The following BRD4 variants were observed in gnomAD, a reference collection of about 807,000 sequenced individuals.
BRD4 encodes the protein bromodomain containing 4.
Under a neutral mutation model 142.1 loss-of-function variants are expected in BRD4, and 16 were observed. That is an observed-to-expected ratio of 0.11 (90% CI 0.08 to 0.17). BRD4 has a LOEUF of 0.17. BRD4 is among the 10% of genes least tolerant of loss of function. The pLI is 1.00. For missense variants in BRD4, 1,424 were observed against 1,810.9 expected, an observed-to-expected ratio of 0.79 and a Z score of 3.88; for synonymous variants, 833 against 707.5, an observed-to-expected ratio of 1.18 and a Z score of -2.82.
At chr19:15,299,009 G>C (rs902232501) in intron 1 of BRD4, among the ~76,000 whole-genome samples, 1 of 152,184 alleles carries the variant, frequency 6.6e-6, no homozygotes, top group Non-Finnish European at 1.5e-5. Flanking sequence ...CCCTTCCCCA[G>C]TCATGGTGGC....
Position 15,239,585 on chromosome 19 carries a change from C to T in BRD4, c.3446-63G>A. ...ACCCCAGTGGGGCATGGTCCACCAG[C>T]CCCACAGCAAGCTTATGTCCAACAC... On this transcript the variant is annotated intron_variant, in intron 16 of 19. Coordinates refer to ENST00000679869, the MANE Select transcript of BRD4 (RefSeq NM_001379291.1). This position sits in a 1 kb window ranked among gnomAD's most constrained non-coding sequence, Gnocchi z 7.4. 3.8e-6 allele frequency: 6 copies of T among 1,564,736 alleles called. No homozygotes were observed. The highest frequency in any genetic ancestry group is 4.3e-6 in the Non-Finnish European group (5 of 1,161,412).
chr19:15,289,726 C>G (rs1172983187), intron 1 of BRD4, among the ~76,000 whole-genome samples: 4 of 150,842 alleles, frequency 2.7e-5, no homozygotes, highest in African/African-American at 4.9e-5. Flanking sequence ...CCTAATAGAT[C>G]TGATGAAACC....
intron 13 of BRD4, 50 bp from the exon 14 acceptor site, chr19:15,243,537 A>G: frequency 6.7e-7 from 1 of 1,493,616 alleles, no homozygotes. Context: ...CTGTGGCCCC[A>G]GCCTGGCCTT....
At chr19:15,330,320 T>A (rs904748541) in intron 1 of BRD4, among the ~76,000 whole-genome samples, 3 of 152,204 alleles carry the variant, frequency 2.0e-5, no homozygotes, top group Admixed American at 2.0e-4. Context: ...CTTTGCCTTC[T>A]CCATTTGATC....
At position 15,255,585 on chromosome 19, in the gene BRD4, CCTT is replaced by C; in HGVS notation, c.1756_1758del (p.Lys586del). The C allele has an allele frequency of 6.2e-7, 1 of 1,603,090 alleles. No homozygotes were observed. The highest frequency in any genetic ancestry group is 8.5e-7 in the Non-Finnish European group (1 of 1,171,550). On this transcript the variant is annotated inframe_deletion, in exon 10 of 20. Transcript: ENST00000679869. Reference sequence around the variant, plus strand: ...GGCTTGCTCTTCATGGGCGCTGGCTCCTTCTTGCTACGAAGGGACGATGCAGAC... The same window carrying C: ...GGCTTGCTCTTCATGGGCGCTGGCTCCTTGCTACGAAGGGACGATGCAGAC...
rs1473772530 is a variant in BRD4 at position 15,239,150 on chromosome 19, C to T, written c.3691G>A (p.Ala1231Thr). 2 of 1,612,082 alleles carry T rather than the reference C, an allele frequency of 1.2e-6. No homozygotes were observed. The highest frequency in any genetic ancestry group is 1.7e-6 in the Non-Finnish European group (2 of 1,179,870). ...SDSFEQFRRA[A>T]REKEEREKAL... Reference sequence around the variant, plus strand: ...TTCTCACGCTCCTCTTTCTCCCGAGCGGCGCGGCGGAACTGCTCGAAGCTG... The same window carrying T: ...TTCTCACGCTCCTCTTTCTCCCGAGTGGCGCGGCGGAACTGCTCGAAGCTG... The change falls in exon 18 of 20, where the codon GCT becomes ACT. Residue 1231 changes from alanine to threonine, a missense_variant. Coordinates refer to ENST00000679869, the MANE Select transcript of BRD4 (RefSeq NM_001379291.1). This position sits in a 1 kb window ranked among gnomAD's most constrained non-coding sequence, Gnocchi z 7.4.
intron 1 of BRD4, among the ~76,000 whole-genome samples, chr19:15,293,798 AC>A (rs2047802437): frequency 6.6e-6 from 1 of 152,006 alleles, no homozygotes; most frequent in Non-Finnish European, 1.5e-5. Flanking sequence ...AACTCTACCC[AC>A]TCAACAGTAA....
At chr19:15,279,305 G>A (rs1241944923) in intron 1 of BRD4, among the ~76,000 whole-genome samples, 2 of 152,152 alleles carry the variant, frequency 1.3e-5, no homozygotes, top group Non-Finnish European at 2.9e-5. Context: ...TTACAATCTA[G>A]TCAATAGTTC....
chr19:15,292,777 CAAAAAAAAAAAAAAAAAAAAAAAAAA>C (rs57341445), intron 1 of BRD4, among the ~76,000 whole-genome samples: 3 of 57,256 alleles, frequency 5.2e-5, no homozygotes, highest in African/African-American at 1.3e-4. Flanking sequence ...GACTCCGTCT[CAAAAAAAAAAAAAAAAAAAAAAAAAA>C]AAAAAAAAAA....
At chr19:15,292,159 C>T (rs962432123) in intron 1 of BRD4, among the ~76,000 whole-genome samples, 1 of 152,110 alleles carries the variant, frequency 6.6e-6, no homozygotes, top group African/African-American at 2.4e-5. Context: ...AAAAGGAGAC[C>T]CCCTAGTTAT....
intron 10 of BRD4, among the ~76,000 whole-genome samples, 153 bp downstream of exon 10, chr19:15,255,141 CACA>C (rs1249531078): frequency 1.3e-5 from 2 of 149,740 alleles, no homozygotes; most frequent in Non-Finnish European, 3.0e-5. Flanking sequence ...AGTGCAATGT[CACA>C]ACCTTTCGGA....
At chr19:15,279,870 G>A (rs528131139) in intron 1 of BRD4, among the ~76,000 whole-genome samples, 1 of 152,312 alleles carries the variant, frequency 6.6e-6, no homozygotes, top group South Asian at 2.1e-4. Flanking sequence ...CCTTCATTCT[G>A]TCTGGTCTGT....
chr19:15,301,865 GAAAAAAAAAAAAA>G (rs952860124), intron 1 of BRD4, among the ~76,000 whole-genome samples: 1 of 40,488 alleles, frequency 2.5e-5, no homozygotes, highest in Non-Finnish European at 5.2e-5. Context: ...CCGTCTCAAA[GAAAAAAAAAAAAA>G]AAAAAAAAAA....
At chr19:15,298,127 A>C (rs1294813735) in intron 1 of BRD4, among the ~76,000 whole-genome samples, 3 of 152,190 alleles carry the variant, frequency 2.0e-5, no homozygotes, top group African/African-American at 7.2e-5. Context: ...CTCATAGCCA[A>C]ATTTGGACTT....
At chr19:15,303,503 T>C (rs537258993) in intron 1 of BRD4, among the ~76,000 whole-genome samples, 1 of 152,296 alleles carries the variant, frequency 6.6e-6, no homozygotes, top group African/African-American at 2.4e-5. Flanking sequence ...AGGAGAAAAG[T>C]AGCCTTAAAC....
At chr19:15,328,498 A>C (rs1025864909) in intron 1 of BRD4, among the ~76,000 whole-genome samples, 1 of 152,194 alleles carries the variant, frequency 6.6e-6, no homozygotes, top group African/African-American at 2.4e-5. Flanking sequence ...GCTCGGACTA[A>C]TAAGTTTACT....
chr19:15,287,441 T>C (rs959047327), intron 1 of BRD4, among the ~76,000 whole-genome samples: 1 of 152,186 alleles, frequency 6.6e-6, no homozygotes, highest in Non-Finnish European at 1.5e-5. Flanking sequence ...GATGGGGTCT[T>C]GCTATGTTGC....
At chr19:15,331,744 C>T (rs2048161295) in intron 1 of BRD4, 1 of 151,600 alleles carries the variant, frequency 6.6e-6, no homozygotes, top group African/African-American at 2.4e-5. Flanking sequence ...CGCGCCGGCC[C>T]CGGCCCACGT....
At position 15,239,912 on chromosome 19, in the gene BRD4, G is replaced by C; in HGVS notation, c.3280C>G (p.Gln1094Glu). 1 of 1,614,062 alleles carries C rather than the reference G, an allele frequency of 6.2e-7. No homozygotes were observed. Among genetic ancestry groups the C allele is most frequent in the Non-Finnish European group, 8.5e-7 (1 of 1,180,006 alleles). Reference sequence around the variant, plus strand: ...TATGGCCCAGCCCTGCCAGTTACCTGTTTCTTAGGCTGGACGTTTTGCTGG... The same window carrying C: ...TATGGCCCAGCCCTGCCAGTTACCTCTTTCTTAGGCTGGACGTTTTGCTGG... ...PPQQNVQPKK[Q>E]ELRAASVVQP... The change falls in exon 15 of 20, where the codon CAG (glutamine) becomes GAG (glutamate). Residue 1094 changes from glutamine to glutamate, a missense_variant and splice_region_variant. By Grantham distance (29) the Gln-to-Glu change is conservative. This residue lies in a region of BRD4 where 598 missense variants were observed against 647.8 expected (regional missense o/e 0.92). Coordinates refer to ENST00000679869, the MANE Select transcript of BRD4 (RefSeq NM_001379291.1). The surrounding 1 kb of genome is among the most constrained non-coding windows in gnomAD (Gnocchi z 7.4).
Sources: gnomAD v4.1 joint callset for allele counts (sites outside exome capture counted in the v4.1 genomes callset) on GRCh38, gnomAD v4.1.1 for gene constraint, gnomAD v4.1.1 regional missense constraint, Gnocchi (gnomAD v3.1) non-coding constraint, MANE v1.5 for transcripts, NCBI Gene and HGNC (gene_info 2026-07-23, HGNC 2026-07-21) for gene names.